Variants in KMT2C observed in about 807,000 individuals in gnomAD.
KMT2C encodes histone-lysine N-methyltransferase 2C.
A neutral mutation model predicts 507.9 loss-of-function variants in KMT2C; 88 were observed. That is an observed-to-expected ratio of 0.17 (90% confidence interval 0.15 to 0.21). The LOEUF (loss-of-function observed/expected upper bound fraction) is 0.21, where lower values mean the gene tolerates loss of function less well. KMT2C is among the 10% of genes least tolerant of loss of function. The pLI, the probability that KMT2C is intolerant of heterozygous loss-of-function variation, is 1.00. For synonymous variants in KMT2C, 2,049 were observed against 2,080.8 expected (o/e 0.98, Z 0.42); for missense variants, 4,954 against 5,957.8 (o/e 0.83, Z 5.55).
intron 27 of KMT2C, among the ~76,000 whole-genome samples, chr7:152,196,863 C>T (rs949402058): frequency 1.3e-5 from 2 of 152,000 alleles, no homozygotes; most frequent in Non-Finnish European, 2.9e-5. Context: ...TGGGGCAAGC[C>T]GGGTTTGCCA....
rs144317028 is a variant in KMT2C at position 152,370,877 on chromosome 7, T to C, written c.162-12202A>G. 1.8e-4 allele frequency among the ~76,000 whole-genome samples: 28 copies of C among 152,304 alleles called. No homozygotes were observed. In the East Asian group the frequency reaches 3.3e-3, roughly 18 times the overall value. On this transcript the variant is annotated intron_variant, in intron 1 of 58. Coordinates refer to ENST00000262189, the MANE Select transcript of KMT2C (RefSeq NM_170606.3). The stretch of plus-strand genomic sequence containing the variant: ...GTCTACATCTGCTTTCATGCTACAA[T>C]AGCAGATATCAGCAGTTACAACAGA...
chr7:152,139,575 C>T, intron 56 of KMT2C, 100 bp downstream of exon 56: 1 of 806,586 alleles, frequency 1.2e-6, no homozygotes, highest in Non-Finnish European at 2.2e-6. Flanking sequence ...CTGAATGCAG[C>T]ATGACAGATT....
At chr7:152,358,424 T>A (rs1482790843) in intron 2 of KMT2C, among the ~76,000 whole-genome samples, 163 bp downstream of exon 2, 1 of 152,204 alleles carries the variant, frequency 6.6e-6, no homozygotes, top group Non-Finnish European at 1.5e-5. Context: ...GCTCAGTTTT[T>A]TCACTTTGTC....
In KMT2C at chr7:152,427,370, TAC is replaced by T. The variant is rs1167147293; in HGVS notation, c.161+8254_161+8255del. ...CCAATCTTTTTATATGCACAAAATA[TAC>T]ACACAGTTTGGGTTTATGTGCTTTT... is the stretch of plus-strand genomic sequence containing the variant. On this transcript the variant is annotated intron_variant, in intron 1 of 58. Transcript: ENST00000262189. Among the ~76,000 whole-genome samples the T allele has an allele frequency of 4.6e-5, 7 of 152,346 alleles. No individual in the cohort carries two copies. In the South Asian group the frequency reaches 1.4e-3, roughly 32 times the overall value.
intron 1 of KMT2C, among the ~76,000 whole-genome samples, chr7:152,380,595 G>A (rs1186499276): frequency 1.3e-5 from 2 of 151,084 alleles, no homozygotes; most frequent in Non-Finnish European, 3.0e-5. Flanking sequence ...AAAACTAGCC[G>A]GGCACAGTAT....
intron 6 of KMT2C, among the ~76,000 whole-genome samples, chr7:152,303,861 G>A (rs1009591819): frequency 2.6e-5 from 4 of 152,066 alleles, no homozygotes; most frequent in Non-Finnish European, 5.9e-5. Context: ...GGTGGTCCAC[G>A]CCTATGATCT....
At chr7:152,252,740 A>G (rs2095580732) in intron 9 of KMT2C, 25 bp from the exon 10 acceptor site, 1 of 1,552,228 alleles carries the variant, frequency 6.4e-7, no homozygotes, top group African/African-American at 1.4e-5. Context: ...AAATAAAAAC[A>G]AAAACAGTTT....
intron 31 of KMT2C, among the ~76,000 whole-genome samples, chr7:152,188,889 G>T (rs907978275): frequency 4.6e-5 from 7 of 152,086 alleles, no homozygotes; most frequent in African/African-American, 1.7e-4. Flanking sequence ...GATTACAGGT[G>T]TGAGCCACTG....
intron 18 of KMT2C, among the ~76,000 whole-genome samples, chr7:152,226,491 C>G (rs1180103881): frequency 6.6e-6 from 1 of 152,088 alleles, no homozygotes; most frequent in Non-Finnish European, 1.5e-5. Flanking sequence ...CTCGGCCTCC[C>G]AAAGTGCTGG....
intron 44 of KMT2C, among the ~76,000 whole-genome samples, chr7:152,156,902 C>T (rs2092087826): frequency 1.3e-5 from 2 of 152,112 alleles, no homozygotes; most frequent in Admixed American, 1.3e-4. Flanking sequence ...TCTTCAGACA[C>T]CTCTCCCAGC....
At chr7:152,348,473 C>T (rs2097080927) in intron 2 of KMT2C, among the ~76,000 whole-genome samples, 1 of 151,596 alleles carries the variant, frequency 6.6e-6, no homozygotes, top group Non-Finnish European at 1.5e-5. Context: ...GTGGCAGGTG[C>T]CTGTAATCCC....
chr7:152,220,504 G>A lies in KMT2C; in HGVS notation c.3712+19C>T, dbSNP rs778339173. 7.8e-6 allele frequency: 12 copies of A among 1,546,636 alleles called. No homozygotes were observed. Among genetic ancestry groups the A allele is most frequent in the Non-Finnish European group, 1.1e-5 (12 of 1,120,452 alleles). On this transcript the variant is annotated intron_variant, in intron 23 of 58. Coordinates refer to ENST00000262189, the MANE Select transcript of KMT2C (RefSeq NM_170606.3). ...TTAATTCTTGCACACATATTTCATG[G>A]AAAATAAATTAGTATTACCTCGACT...
intron 6 of KMT2C, among the ~76,000 whole-genome samples, chr7:152,306,528 T>A (rs2096617044): frequency 6.6e-6 from 1 of 152,204 alleles, no homozygotes. Flanking sequence ...TGTGTGGGCA[T>A]TTAGTTTGTT....
intron 1 of KMT2C, among the ~76,000 whole-genome samples, chr7:152,379,906 G>T (rs1323272776): frequency 6.6e-6 from 1 of 152,276 alleles, no homozygotes; most frequent in African/African-American, 2.4e-5. Flanking sequence ...GACCAGCCTA[G>T]GCAACACAGC....
chr7:152,377,808 T>C (rs1036133350), intron 1 of KMT2C, among the ~76,000 whole-genome samples: 31 of 151,328 alleles, frequency 2.0e-4, no homozygotes, highest in African/African-American at 6.8e-4. Context: ...CTGGAAAGGA[T>C]TCACCACCGT....
Position 152,358,908 on chromosome 7 carries a change from T to C in KMT2C, c.162-233A>G, listed in dbSNP as rs183334882. ...TGAGGACAGACCCACATGAATATAA[T>C]TGTGTCCTCATAATTCACTTAAGTA... On this transcript the variant is annotated intron_variant, in intron 1 of 58. Transcript: ENST00000262189. Among the ~76,000 whole-genome samples the C allele has an allele frequency of 7.9e-5, 12 of 152,294 alleles. No homozygotes were observed. In the East Asian group the frequency reaches 1.5e-3, roughly 20 times the overall value.
Position 152,366,342 on chromosome 7 carries a change from T to A in KMT2C, c.162-7667A>T, listed in dbSNP as rs115910532. Among the ~76,000 whole-genome samples the A allele has an allele frequency of 7.7e-3, 1,166 of 152,284 alleles. 15 individuals carry two copies. Among genetic ancestry groups the A allele is most frequent in the African/African-American group, 0.027 (1,124 of 41,552 alleles). On this transcript the variant is annotated intron_variant, in intron 1 of 58. Coordinates refer to ENST00000262189, the MANE Select transcript of KMT2C (RefSeq NM_170606.3). ...CAATAAATAAAACATAATTAACAGT[T>A]AAGTAAAATGTGGTACAGACATACC...
In KMT2C at chr7:152,206,516, A is replaced by G. The variant is rs1475166825; in HGVS notation, c.3841+784T>C. Among the ~76,000 whole-genome samples, 11 of 152,256 alleles carry G rather than the reference A, an allele frequency of 7.2e-5. No homozygotes were observed. The East Asian group carries it at 2.1e-3, about 29-fold the overall frequency. On this transcript the variant is annotated intron_variant, in intron 24 of 58. Transcript: ENST00000262189. ...AAGAAAGTTCTTCCTTCCATATCAAAAGGGATTTAGATCACTCTTACCAAT... is the reference window on the plus strand; with the variant it reads ...AAGAAAGTTCTTCCTTCCATATCAAGAGGGATTTAGATCACTCTTACCAAT...
chr7:152,368,155 T>TG (rs1484082555), intron 1 of KMT2C: 1 of 921,014 alleles, frequency 1.1e-6, no homozygotes, highest in Admixed American at 1.7e-5. Context: ...GCAGTATCCT[T>TG]GGGGTGCTGC....
Sources: allele counts gnomAD v4.1 joint callset (sites outside exome capture counted in the v4.1 genomes callset), GRCh38; gene constraint gnomAD v4.1.1; transcripts MANE v1.5; gene names NCBI Gene and HGNC (gene_info 2026-07-23, HGNC 2026-07-21).